Variants in TMEM8B observed in about 807,000 individuals in gnomAD.
TMEM8B encodes the protein nasopharyngeal carcinoma expressed 6.
In TMEM8B, 29 loss-of-function variants were observed where a neutral mutation model predicts 49.3. That is an observed-to-expected ratio of 0.59 (90% CI 0.44 to 0.80). The LOEUF is 0.80. Ranked by LOEUF, TMEM8B falls within the 30% of genes least tolerant of loss-of-function variation. TMEM8B has a pLI of 0.00. For missense variants in TMEM8B, 575 were observed against 658.5 expected, an observed-to-expected ratio of 0.87 and a Z score of 1.39; for synonymous variants, 264 against 272.8, an observed-to-expected ratio of 0.97 and a Z score of 0.32.
At chr9:35,848,738 G>T (rs979622327) in intron 10 of TMEM8B, among the ~76,000 whole-genome samples, 4 of 148,698 alleles carry the variant, frequency 2.7e-5, no homozygotes, top group Non-Finnish European at 5.9e-5. Flanking sequence ...GCAGTGGCGC[G>T]ATCTTAGCTC....
In TMEM8B at chr9:35,854,043, G is replaced by A. The variant is rs745360284; in HGVS notation, c.*203G>A. 2.4e-3 allele frequency: 3,072 copies of A among 1,300,644 alleles called. 7 individuals carry two copies. Among genetic ancestry groups the A allele is most frequent in the Non-Finnish European group, 2.7e-3 (2,810 of 1,029,174 alleles). 80.6% of individuals were successfully genotyped at this position (1,300,644 alleles called of 1,614,324 possible). A position where few individuals can be genotyped will look rare whatever the true frequency, so the allele number is the denominator to read the frequency against. Reference sequence around the variant, plus strand: ...AGGGCCTGGAGTCCCCCTGCATCATGGAGTCCTTCTTAAGGACTGGAGCCT... The same window carrying A: ...AGGGCCTGGAGTCCCCCTGCATCATAGAGTCCTTCTTAAGGACTGGAGCCT... On this transcript the variant is annotated 3_prime_UTR_variant, in exon 13 of 13. Coordinates refer to ENST00000643932, the MANE Select transcript of TMEM8B (RefSeq NM_001042590.4).
chr9:35,837,537 G>A (rs1166592957), intron 3 of TMEM8B, among the ~76,000 whole-genome samples: 2 of 152,102 alleles, frequency 1.3e-5, no homozygotes, highest in East Asian at 3.9e-4. Flanking sequence ...AGAGGGTTGA[G>A]CAGAGGCCAG....
chr9:35,844,027 A>G (rs978996067), intron 6 of TMEM8B, among the ~76,000 whole-genome samples: 1 of 152,176 alleles, frequency 6.6e-6, no homozygotes, highest in East Asian at 1.9e-4. Flanking sequence ...GCCGCCCAAC[A>G]TGTTGGGTTT....
chr9:35,843,545 C>T (rs1588152653), intron 6 of TMEM8B, among the ~76,000 whole-genome samples: 1 of 152,180 alleles, frequency 6.6e-6, no homozygotes. Flanking sequence ...ACAAGACTTG[C>T]ATTTGTGCTG....
rs1332798132 is a variant in TMEM8B, at chr9:35,855,785, G to T, written c.*1945G>T. The T allele has an allele frequency of 2.0e-5, 3 of 152,372 alleles. No individual in the cohort carries two copies. The South Asian group carries it at 6.2e-4, about 32-fold the overall frequency. The allele number at this position is 152,372 out of a possible 1,614,324, so 9.4% of individuals were successfully genotyped here. A position where few individuals can be genotyped will look rare whatever the true frequency, so the allele number is the denominator to read the frequency against. On this transcript the variant is annotated 3_prime_UTR_variant, in exon 13 of 13. Transcript: ENST00000643932. Reference sequence around the variant, plus strand: ...CCAAAAGCCAGGAAAACATGCCTTTGTTATCTGCTTTCTGCAATCACGTCT... The same window carrying T: ...CCAAAAGCCAGGAAAACATGCCTTTTTTATCTGCTTTCTGCAATCACGTCT...
chr9:35,844,982 T>C (rs1831377905), intron 6 of TMEM8B, among the ~76,000 whole-genome samples: 1 of 152,240 alleles, frequency 6.6e-6, no homozygotes, highest in Non-Finnish European at 1.5e-5. Context: ...CTTTTTTCTT[T>C]GGCTCCCTCC....
chr9:35,832,199 G>GTGTGTA (rs1554679487), intron 1 of TMEM8B, among the ~76,000 whole-genome samples: 1 of 147,588 alleles, frequency 6.8e-6, no homozygotes, highest in Non-Finnish European at 1.5e-5. Flanking sequence ...GTGTGTGTGT[G>GTGTGTA]TATGTGTATG....
intron 3 of TMEM8B, 200 bp downstream of exon 3, chr9:35,835,418 C>T: frequency 2.5e-6 from 1 of 392,834 alleles, no homozygotes; most frequent in East Asian, 3.6e-5. Flanking sequence ...ACTTGGCAGC[C>T]CCAGGAGGAC....
In TMEM8B at chr9:35,841,468, C is replaced by T. The variant is rs906549141; in HGVS notation, c.1041-58C>T. On this transcript the variant is annotated intron_variant, in intron 4 of 12. Coordinates refer to ENST00000643932, the MANE Select transcript of TMEM8B (RefSeq NM_001042590.4). The surrounding 1 kb of genome is among the most constrained non-coding windows in gnomAD (Gnocchi z 5.9). ...CCCTCCTTCCTAGTGCTTCCCTTGC[C>T]CTGTGTTCCTCTCGCCTCTGTTTGT... The T allele has an allele frequency of 2.4e-6, 1 of 414,316 alleles. No individual in the cohort carries two copies. The highest frequency in any genetic ancestry group is 2.0e-5 in the African/African-American group (1 of 48,814). 25.7% of individuals were successfully genotyped at this position (414,316 alleles called of 1,614,324 possible).
At position 35,836,333 on chromosome 9, in the gene TMEM8B, T is replaced by C. The variant is rs188682608; in HGVS notation, c.906+1115T>C. Among the ~76,000 whole-genome samples, 14 of 152,334 alleles carry C rather than the reference T, an allele frequency of 9.2e-5. No individual in the cohort carries two copies. The East Asian group carries it at 2.3e-3, about 25-fold the overall frequency. ...CTTGGAAAGGGCCCTAGGTTCTAGG[T>C]AGGCCTTGACTCTCATCAGAACTGA... is the stretch of plus-strand genomic sequence containing the variant. On this transcript the variant is annotated intron_variant, in intron 3 of 12. Transcript: ENST00000643932.
At position 35,861,976 on chromosome 9, in the gene TMEM8B, T is replaced by G. The variant is rs1832661775; in HGVS notation, c.*8136T>G. On this transcript the variant is annotated 3_prime_UTR_variant, in exon 13 of 13. Transcript: ENST00000643932. ...AGTTTCAGGAACATATAGGGGCACTTGGGTAATCTTGGTCAGTAACTGACC... is the reference window on the plus strand; with the variant it reads ...AGTTTCAGGAACATATAGGGGCACTGGGGTAATCTTGGTCAGTAACTGACC... The G allele has an allele frequency of 6.6e-6, 1 of 152,250 alleles. No homozygotes were observed. The highest frequency in any genetic ancestry group is 1.9e-4 in the East Asian group (1 of 5,196). The allele number at this position is 152,250 out of a possible 1,614,324, so 9.4% of individuals were successfully genotyped here. A position where few individuals can be genotyped will look rare whatever the true frequency, so the allele number is the denominator to read the frequency against.
chr9:35,833,235 G>A, intron 1 of TMEM8B: 10 of 788,244 alleles, frequency 1.3e-5, no homozygotes, highest in Non-Finnish European at 1.5e-5. Flanking sequence ...AGCCCTGAGG[G>A]TATTTCCTGC....
At chr9:35,843,962 C>T (rs1406660426) in intron 6 of TMEM8B, among the ~76,000 whole-genome samples, 2 of 152,170 alleles carry the variant, frequency 1.3e-5, no homozygotes, top group East Asian at 1.9e-4. Flanking sequence ...CTGGGTTTCA[C>T]CATGTTGCCC....
At chr9:35,835,806 T>A (rs1830393410) in intron 3 of TMEM8B, among the ~76,000 whole-genome samples, 1 of 152,168 alleles carries the variant, frequency 6.6e-6, no homozygotes, top group South Asian at 2.1e-4. Flanking sequence ...TCTCCAAATA[T>A]CAGCCACCCC....
At position 35,841,149 on chromosome 9, in the gene TMEM8B, T is replaced by C; in HGVS notation, c.922T>C (p.Cys308Arg). 2.4e-6 allele frequency: 1 copy of C among 415,580 alleles called. No individual in the cohort carries two copies. Among genetic ancestry groups the C allele is most frequent in the Non-Finnish European group, 4.4e-6 (1 of 226,434 alleles). The allele number at this position is 415,580 out of a possible 1,614,324, so 25.7% of individuals were successfully genotyped here. Residue 308 changes from cysteine to arginine, a missense_variant, in exon 4 of 13, where the codon TGT becomes CGT. Physicochemically the swap from Cys to Arg is radical, Grantham distance 180 (BLOSUM62 -3). Transcript: ENST00000643932. This position sits in a 1 kb window ranked among gnomAD's most constrained non-coding sequence, Gnocchi z 5.9. ...HISVKGLQDE[C>R]QYLLQPQLIV... Reference sequence around the variant, plus strand: ...TTTGTCCCAGGGTCTCCAGGATGAGTGTCAGTACCTCCTTCAGCCGCAGCT... The same window carrying C: ...TTTGTCCCAGGGTCTCCAGGATGAGCGTCAGTACCTCCTTCAGCCGCAGCT...
At position 35,854,285 on chromosome 9, in the gene TMEM8B, C is replaced by G. The variant is rs1349777820; in HGVS notation, c.*445C>G. 1 of 157,212 alleles carries G rather than the reference C, an allele frequency of 6.4e-6. No individual in the cohort carries two copies. Among genetic ancestry groups the G allele is most frequent in the East Asian group, 1.9e-4 (1 of 5,316 alleles). 9.7% of individuals were successfully genotyped at this position (157,212 alleles called of 1,614,324 possible). The stretch of plus-strand genomic sequence containing the variant: ...AGCAACTCTGGCCTCAGGCTTCCTT[C>G]CCAGAGGCAGCGTCTGGGCTGTGCT... On this transcript the variant is annotated 3_prime_UTR_variant, in exon 13 of 13. Coordinates refer to ENST00000643932, the MANE Select transcript of TMEM8B (RefSeq NM_001042590.4).
rs1432836369 is a variant in TMEM8B at position 35,862,989 on chromosome 9, T to C, written c.*9149T>C. ...AACTATTTATTGACATCCAGTGTTG[T>C]TCTGCCAAAAATCCTGATCCTAGGC... On this transcript the variant is annotated 3_prime_UTR_variant, in exon 13 of 13. Coordinates refer to ENST00000643932, the MANE Select transcript of TMEM8B (RefSeq NM_001042590.4). 1.3e-5 allele frequency: 2 copies of C among 152,224 alleles called. No individual in the cohort carries two copies. Among genetic ancestry groups the C allele is most frequent in the Non-Finnish European group, 2.9e-5 (2 of 68,060 alleles). 9.4% of individuals were successfully genotyped at this position (152,224 alleles called of 1,614,324 possible).
chr9:35,846,373 G>A lies in TMEM8B; in HGVS notation c.1845G>A (p.Val615=). The change falls in exon 8 of 13, where the codon GTG becomes GTA. Residue 615 remains valine, a synonymous_variant. Coordinates refer to ENST00000643932, the MANE Select transcript of TMEM8B (RefSeq NM_001042590.4). ...WFLALRSLCG[V]GPRFVRCRNA... ...TGGCCCTCCGCTCCCTGTGCGGGGT[G>A]GGGCCTCGGTGAGCGGTGCGGGGCG... The A allele has an allele frequency of 6.2e-7, 1 of 1,612,902 alleles. No homozygotes were observed. Among genetic ancestry groups the A allele is most frequent in the Non-Finnish European group, 8.5e-7 (1 of 1,179,654 alleles).
chr9:35,842,571 G>C lies in TMEM8B; in HGVS notation c.1489G>C (p.Glu497Gln). ...GCCAGTGCGCCCGACTCTGCGCAAC[G>C]AGCTGGACACCTTCTCTGTCCACTT... ...CWPVRPTLRN[E>Q]LDTFSVHFYI... is the part of the protein sequence containing the mutation. Residue 497 changes from glutamate (E) to glutamine (Q), a missense_variant, in exon 6 of 13, where the codon GAG (glutamate) becomes CAG (glutamine). Transcript: ENST00000643932. The surrounding 1 kb of genome is among the most constrained non-coding windows in gnomAD (Gnocchi z 5.6). 1 of 1,614,222 alleles carries C rather than the reference G, an allele frequency of 6.2e-7. No homozygotes were observed. Among genetic ancestry groups the C allele is most frequent in the Non-Finnish European group, 8.5e-7 (1 of 1,180,038 alleles).
Sources: allele counts gnomAD v4.1 joint callset (sites outside exome capture counted in the v4.1 genomes callset), GRCh38; gene constraint gnomAD v4.1.1; non-coding constraint Gnocchi (gnomAD v3.1); transcripts MANE v1.5; gene names NCBI Gene and HGNC (gene_info 2026-07-23, HGNC 2026-07-21).